Variants in GPHN observed in about 807,000 individuals in gnomAD.
GPHN encodes the protein gephyrin.
In GPHN, 17 loss-of-function variants were observed where a neutral mutation model predicts 95.5. The observed-to-expected ratio is 0.18, with a 90% CI of 0.12 to 0.27. The LOEUF (loss-of-function observed/expected upper bound fraction) is 0.27, where lower values mean the gene tolerates loss of function less well. Among genes scored for constraint, GPHN ranks in the 10% least tolerant of loss-of-function variants. GPHN has a pLI of 1.00. For missense variants in GPHN, 660 were observed against 978.1 expected (o/e 0.67, Z 4.34); for synonymous variants, 320 against 322.5 (o/e 0.99, Z 0.08).
chr14:66,594,792 G>A (rs1250188599), intron 1 of GPHN, among the ~76,000 whole-genome samples: 1 of 152,130 alleles, frequency 6.6e-6, no homozygotes, highest in Non-Finnish European at 1.5e-5. Flanking sequence ...CCAAAGCACA[G>A]ACGACAAAAG....
chr14:67,169,303 T>C (rs902107349), intron 21 of GPHN, among the ~76,000 whole-genome samples: 1 of 152,132 alleles, frequency 6.6e-6, no homozygotes, highest in African/African-American at 2.4e-5. Context: ...GAGTGATACT[T>C]AAGGACAAAA....
chr14:66,953,791 G>T (rs1335900890), intron 8 of GPHN, among the ~76,000 whole-genome samples: 1 of 152,128 alleles, frequency 6.6e-6, no homozygotes. Flanking sequence ...CCAGTATTTT[G>T]GGAGGCCGAG....
chr14:66,765,470 C>G (rs889767075), intron 2 of GPHN, among the ~76,000 whole-genome samples: 1 of 151,952 alleles, frequency 6.6e-6, no homozygotes, highest in Non-Finnish European at 1.5e-5. Context: ...TTTGCAGCAG[C>G]CTTTGGAGCC....
rs575007676 is a variant in GPHN at position 67,096,987 on chromosome 14, A to G, written c.1238-3869A>G. Among the ~76,000 whole-genome samples the G allele has an allele frequency of 3.6e-3, 544 of 152,274 alleles. 1 individual carries two copies. Among genetic ancestry groups the G allele is most frequent in the Non-Finnish European group, 6.5e-3 (445 of 68,018 alleles). On this transcript the variant is annotated intron_variant, in intron 12 of 22. Coordinates refer to ENST00000478722, the MANE Select transcript of GPHN (RefSeq NM_020806.5). ...CAAATATAAAACTTTGTGTTAGAAA[A>G]TATTACTTATTTGGTCATTCGTGCA... is the stretch of plus-strand genomic sequence containing the variant.
intron 1 of GPHN, among the ~76,000 whole-genome samples, chr14:66,541,326 T>A (rs549215751): frequency 6.6e-6 from 1 of 152,242 alleles, no homozygotes; most frequent in South Asian, 2.1e-4. Flanking sequence ...GAGAGAAAGA[T>A]AAGAAAAATG....
At chr14:67,316,950 A>C in the GPHN span, 1 of 1,452,264 alleles carries the variant, frequency 6.9e-7, no homozygotes, top group Non-Finnish European at 9.5e-7. Flanking sequence ...TTGGGTCTTC[A>C]TCTGGAGCCA....
At chr14:66,516,897 T>C (rs2058268440) in intron 1 of GPHN, among the ~76,000 whole-genome samples, 1 of 152,050 alleles carries the variant, frequency 6.6e-6, no homozygotes, top group Non-Finnish European at 1.5e-5. Flanking sequence ...TTTGGGAGGC[T>C]GAGGCGGGCA....
At chr14:67,236,760 G>A in the GPHN span, among the ~76,000 whole-genome samples, 2 of 152,068 alleles carry the variant, frequency 1.3e-5, no homozygotes, top group African/African-American at 4.8e-5. Context: ...TTGTTGGTTT[G>A]CTTTTTGTTA....
At chr14:67,727,485 G>GT in the GPHN span, 30,787 of 243,636 alleles carry the variant, frequency 0.13, 105 homozygotes, top group South Asian at 0.23. Context: ...TGTTTTTTTT[G>GT]TTTTTTTTTT....
intron 11 of GPHN, among the ~76,000 whole-genome samples, chr14:67,082,775 C>G (rs2076742771): frequency 6.6e-6 from 1 of 152,044 alleles, no homozygotes; most frequent in Non-Finnish European, 1.5e-5. Context: ...GTCTCTGTTA[C>G]TTCTTTCAGC....
the GPHN span, among the ~76,000 whole-genome samples, chr14:67,308,481 A>G: frequency 1.5e-4 from 23 of 151,912 alleles, no homozygotes; most frequent in Non-Finnish European, 3.2e-4. Context: ...AGGAGTGTCC[A>G]TTGAGCAAGT....
At chr14:67,113,312 T>G (rs1595193310) in intron 16 of GPHN, 141 bp downstream of exon 16, 5 of 816,882 alleles carry the variant, frequency 6.1e-6, no homozygotes, top group South Asian at 1.5e-5. Flanking sequence ...AGGGAAACAA[T>G]AAATTGGCTT....
chr14:67,676,014 C>G, the GPHN span, among the ~76,000 whole-genome samples: 1 of 152,102 alleles, frequency 6.6e-6, no homozygotes, highest in Non-Finnish European at 1.5e-5. Context: ...GGAGAATCGC[C>G]TGAACCCGGG....
At chr14:67,012,066 G>A (rs1473023369) in intron 9 of GPHN, among the ~76,000 whole-genome samples, 1 of 152,082 alleles carries the variant, frequency 6.6e-6, no homozygotes, top group Non-Finnish European at 1.5e-5. Flanking sequence ...TAATAACATT[G>A]TTCTGTCCCA....
chr14:66,572,154 G>T (rs1038778927), intron 1 of GPHN, among the ~76,000 whole-genome samples: 2 of 152,132 alleles, frequency 1.3e-5, no homozygotes, highest in Admixed American at 6.5e-5. Flanking sequence ...TTTGATTACT[G>T]TAGGCTTGTT....
At chr14:67,468,362 T>C in the GPHN span, among the ~76,000 whole-genome samples, 20 of 152,338 alleles carry the variant, frequency 1.3e-4, no homozygotes, top group African/African-American at 4.8e-4. Flanking sequence ...CCCTTGGTTG[T>C]ACCGGGGCAG....
rs758541696 is a variant in GPHN at position 67,100,857 on chromosome 14, T to C, written c.1239T>C (p.Ala413=). 6.2e-7 allele frequency: 1 copy of C among 1,601,734 alleles called. No individual in the cohort carries two copies. The change falls in exon 13 of 23, where the codon GCT becomes GCC. Residue 413 remains alanine, a splice_region_variant and synonymous_variant. Coordinates refer to ENST00000478722, the MANE Select transcript of GPHN (RefSeq NM_020806.5). ...ASVKDGYAVR[A]ADGPGDRFII... ...TCTTGGCTCTGTTCCATCTCACAGCTGCTGATGGCCCAGGAGATCGTTTCA... is the reference window on the plus strand; with the variant it reads ...TCTTGGCTCTGTTCCATCTCACAGCCGCTGATGGCCCAGGAGATCGTTTCA...
intron 1 of GPHN, among the ~76,000 whole-genome samples, chr14:66,679,444 G>A (rs1285356548): frequency 6.6e-6 from 1 of 152,024 alleles, no homozygotes; most frequent in Admixed American, 6.6e-5. Flanking sequence ...CCAGTGTGGT[G>A]TTTGCCATAC....
chr14:66,897,212 A>G (rs935468296), intron 5 of GPHN, among the ~76,000 whole-genome samples: 3 of 152,294 alleles, frequency 2.0e-5, no homozygotes, highest in African/African-American at 7.2e-5. Context: ...ACATCATGAC[A>G]CAACAATTTG....
Sources: allele counts gnomAD v4.1 joint callset (sites outside exome capture counted in the v4.1 genomes callset), GRCh38; gene constraint gnomAD v4.1.1; transcripts MANE v1.5; gene names NCBI Gene and HGNC (gene_info 2026-07-23, HGNC 2026-07-21).